KANK1: variants seen among roughly 807,000 people sequenced by gnomAD.
KANK1 encodes the protein KN motif and ankyrin repeat domain-containing protein 1.
A neutral mutation model predicts 106.2 loss-of-function variants in KANK1; 109 were observed. The ratio of observed to expected loss-of-function variants is 1.03; its 90% CI spans 0.88 to 1.20. KANK1 has a LOEUF of 1.20. Ranked by LOEUF, KANK1 falls within the 50% of genes most tolerant of loss-of-function variation. The probability of loss-of-function intolerance (pLI) is 0.00; values close to 1 mark genes in which losing one functional copy is unlikely to be tolerated. For synonymous variants in KANK1, 873 were observed against 652.2 expected, an observed-to-expected ratio of 1.34 and a Z score of -5.16; for missense variants, 2,399 against 1,710.7, an observed-to-expected ratio of 1.40 and a Z score of -7.10.
At chr9:701,527 T>G (rs1283012166) in intron 2 of KANK1, among the ~76,000 whole-genome samples, 1 of 152,208 alleles carries the variant, frequency 6.6e-6, no homozygotes, top group Non-Finnish European at 1.5e-5. Context: ...GATAATTCTT[T>G]GTTGGGGGAA....
At chr9:668,661 A>G (rs117261135) in intron 1 of KANK1, among the ~76,000 whole-genome samples, 3,092 of 152,202 alleles carry the variant, frequency 0.02, 44 homozygotes, top group Middle Eastern at 0.041. Context: ...TGTGGTTACC[A>G]TGAGGCTTAT....
chr9:732,197 G>A, intron 5 of KANK1, 181 bp from the exon 6 acceptor site: 1 of 625,736 alleles, frequency 1.6e-6, no homozygotes, highest in Non-Finnish European at 2.7e-6. Context: ...ACCAGTTTAA[G>A]TTAGAGTCCA....
At chr9:607,354 G>C (rs111634336) in intron 1 of KANK1, among the ~76,000 whole-genome samples, 1 of 151,388 alleles carries the variant, frequency 6.6e-6, no homozygotes. Context: ...GTGTGGCGAC[G>C]CACACCTGTA....
At chr9:742,094 C>T (rs1835741420) in intron 9 of KANK1, 111 bp from the exon 10 acceptor site, 3 of 927,178 alleles carry the variant, frequency 3.2e-6, no homozygotes, top group African/African-American at 1.6e-5. Context: ...ATCGCCAGTT[C>T]TTTCCCTTCT....
chr9:580,578 C>T (rs1821816942), intron 1 of KANK1, among the ~76,000 whole-genome samples: 1 of 152,212 alleles, frequency 6.6e-6, no homozygotes, highest in Non-Finnish European at 1.5e-5. Flanking sequence ...CAGCTAGACA[C>T]AGAGCACTGA....
chr9:745,176 AC>A lies in KANK1; in HGVS notation c.4004del (p.Pro1335LeufsTer63). 2 of 1,613,520 alleles carry A rather than the reference AC, an allele frequency of 1.2e-6. No individual in the cohort carries two copies. Among genetic ancestry groups the A allele is most frequent in the Middle Eastern group, 1.7e-4 (1 of 6,060 alleles). Reference protein sequence around the residue: ...VNFAKAQSPGTPRLGRKTSPG... With the variant: ...VNFAKAQSPGXPRLGRKTSPG... ...TTTTTCCTTTCCTGGTCTCTAGGGC[AC>A]CCCTAGGCTTGGAAGGAAGACGTCT... On this transcript the variant is annotated frameshift_variant, in exon 12 of 12. Transcript: ENST00000382297. LOFTEE classifies it high-confidence loss of function.
intron 1 of KANK1, among the ~76,000 whole-genome samples, chr9:615,966 G>C (rs1170382979): frequency 6.6e-6 from 1 of 152,118 alleles, no homozygotes; most frequent in South Asian, 2.1e-4. Context: ...GATGCCATTT[G>C]CCTGCCCAGA....
rs746713082 is a variant in KANK1 at position 738,527 on chromosome 9, CTCTCT to C, written c.3553+29_3553+33del. On this transcript the variant is annotated intron_variant, in intron 8 of 11. Transcript: ENST00000382297. ...CCGGTATGTTGGCTGCCCTTCCACC[CTCTCT>C]TCTCTAACAGTACTTGGGTTGTGAC... 361 of 1,574,222 alleles carry C rather than the reference CTCTCT, an allele frequency of 2.3e-4. 1 individual carries two copies. The African/African-American group carries it at 4.4e-3, about 19-fold the overall frequency.
In KANK1 at chr9:476,099, C is replaced by G. The variant is rs199635667; in HGVS notation, c.-362+2826C>G. On this transcript the variant is annotated intron_variant, in intron 3 of 15. Transcript: ENST00000382303. ...AACTCCTGGCCTCACTGTGATCCAC[C>G]TGCTTCAGCACTCCAGCCTGGGCAA... is the stretch of plus-strand genomic sequence containing the variant. Among the ~76,000 whole-genome samples, 8 of 151,404 alleles carry G rather than the reference C, an allele frequency of 5.3e-5. No homozygotes were observed. The East Asian group carries it at 1.6e-3, about 30-fold the overall frequency.
chr9:495,479 C>G (rs535044403), intron 3 of KANK1: 1 of 152,006 alleles, frequency 6.6e-6, no homozygotes, highest in East Asian at 1.9e-4. Context: ...TTGACTTTAC[C>G]CACCTTCCTG....
At chr9:506,523 T>G (rs1587324723) in intron 1 of KANK1, among the ~76,000 whole-genome samples, 1 of 131,600 alleles carries the variant, frequency 7.6e-6, no homozygotes, top group East Asian at 1.9e-4. Context: ...GAAAGTGAGT[T>G]CTGGGTGTGT....
intron 1 of KANK1, among the ~76,000 whole-genome samples, chr9:552,696 C>T (rs1054514140): frequency 6.6e-5 from 10 of 152,156 alleles, no homozygotes; most frequent in African/African-American, 2.4e-4. Flanking sequence ...CTGTACTATG[C>T]CTTGGCCTTT....
intron 2 of KANK1, among the ~76,000 whole-genome samples, chr9:687,856 G>A (rs184244682): frequency 3.9e-5 from 6 of 152,184 alleles, no homozygotes; most frequent in Admixed American, 2.6e-4. Flanking sequence ...GGTTGTGTGC[G>A]TCACTAATCT....
At chr9:713,600 G>C (rs1015162076) in intron 3 of KANK1, 136 bp downstream of exon 3, 1 of 927,810 alleles carries the variant, frequency 1.1e-6, no homozygotes, top group African/African-American at 1.7e-5. Context: ...GTAATCTGTA[G>C]AATGAAAACT....
At chr9:470,595 C>T (rs563231286) in exon 2 of KANK1, 1 of 152,544 alleles carries the variant, frequency 6.6e-6, no homozygotes, top group East Asian at 1.9e-4. Flanking sequence ...CTAGCGAAGA[C>T]TTCGGAGGGA....
chr9:627,492 G>C (rs1834644293), intron 1 of KANK1, among the ~76,000 whole-genome samples: 1 of 152,236 alleles, frequency 6.6e-6, no homozygotes, highest in Admixed American at 6.5e-5. Flanking sequence ...ATATTCCTGG[G>C]GACCTAGAAT....
intron 1 of KANK1, among the ~76,000 whole-genome samples, chr9:612,305 AAG>A (rs1830750399): frequency 1.3e-5 from 2 of 152,154 alleles, no homozygotes; most frequent in South Asian, 4.1e-4. Context: ...GGAGATAAGA[AAG>A]AGAAATTCAG....
At chr9:492,444 C>G (rs1270104869) in intron 3 of KANK1, among the ~76,000 whole-genome samples, 1 of 152,096 alleles carries the variant, frequency 6.6e-6, no homozygotes, top group Non-Finnish European at 1.5e-5. Flanking sequence ...GTTACTTAAA[C>G]CTCTCTGTGC....
At chr9:640,360 C>T (rs894904412) in intron 1 of KANK1, among the ~76,000 whole-genome samples, 4 of 151,848 alleles carry the variant, frequency 2.6e-5, no homozygotes, top group Non-Finnish European at 5.9e-5. Context: ...ATCAGCCTCC[C>T]GATTAGCTGG....
Sources: gnomAD v4.1 joint callset for allele counts (sites outside exome capture counted in the v4.1 genomes callset) on GRCh38, gnomAD v4.1.1 for gene constraint, MANE v1.5 for transcripts, NCBI Gene and HGNC (gene_info 2026-07-23, HGNC 2026-07-21) for gene names.